The following MYB variants were observed in gnomAD, a reference collection of about 807,000 sequenced individuals.
The protein encoded by MYB is MYB proto-oncogene, transcription factor, also known as transcriptional activator Myb.
A neutral mutation model predicts 92.9 loss-of-function variants in MYB; 28 were observed. That is an observed-to-expected ratio of 0.30 (90% CI 0.22 to 0.41). The LOEUF is 0.41. MYB is among the 10% of genes least tolerant of loss of function. The pLI is 1.00. For synonymous variants in MYB, 295 were observed against 329.1 expected, an observed-to-expected ratio of 0.90 and a Z score of 1.12; for missense variants, 679 against 929.3, an observed-to-expected ratio of 0.73 and a Z score of 3.50.
chr6:135,187,885 G>T lies in MYB; in HGVS notation c.193G>T (p.Val65Phe). The change falls in exon 3 of 16, where the codon GTT (valine) becomes TTT (phenylalanine). Residue 65 changes from valine (V) to phenylalanine (F), a missense_variant. By Grantham distance (50) the Val-to-Phe change is conservative. Around this residue, in one of 8 missense-constraint regions of MYB, gnomAD observed 88 missense variants for 145.6 expected, o/e 0.60. Coordinates refer to ENST00000341911, the MANE Select transcript of MYB (RefSeq NM_001130173.2). ...VEQNGTDDWKVIANYLPNRTD... is the reference protein window; with the variant it reads ...VEQNGTDDWKFIANYLPNRTD... Reference sequence around the variant, plus strand: ...ACAGAATGGAACAGATGACTGGAAAGTTATTGCCAATTATCTCCCGGTAAG... The same window carrying T: ...ACAGAATGGAACAGATGACTGGAAATTTATTGCCAATTATCTCCCGGTAAG... 4.3e-6 allele frequency: 7 copies of T among 1,609,478 alleles called. No individual in the cohort carries two copies. Among genetic ancestry groups the T allele is most frequent in the Non-Finnish European group, 5.9e-6 (7 of 1,177,386 alleles).
intron 14 of MYB, chr6:135,202,945 C>T (rs1371340933): frequency 1.5e-6 from 1 of 665,990 alleles, no homozygotes; most frequent in Admixed American, 2.0e-5. Flanking sequence ...ATTCATTTAG[C>T]AGATGTTTTT....
rs539793671 is a variant in MYB at position 135,196,833 on chromosome 6, C to G, written c.1204-128C>G. On this transcript the variant is annotated intron_variant, in intron 9 of 15. Transcript: ENST00000341911. ...AATAGAGCAACTGCTCATCTTGAAG[C>G]TGTTGCTCAAGAAGCCAAACCAACG... 75 of 1,586,750 alleles carry G rather than the reference C, an allele frequency of 4.7e-5. No individual in the cohort carries two copies. The Admixed American group carries it at 5.3e-4, about 11-fold the overall frequency.
At chr6:135,205,229 CTTT>C (rs1219667393) in intron 15 of MYB, among the ~76,000 whole-genome samples, 1 of 134,844 alleles carries the variant, frequency 7.4e-6, no homozygotes, top group Non-Finnish European at 1.6e-5. Flanking sequence ...AAAGCTTTTG[CTTT>C]TTTTTTTTTT....
rs770956220 is a variant in MYB, at chr6:135,200,531, G to A, written c.1950+116G>A. On this transcript the variant is annotated intron_variant, in intron 13 of 15. Coordinates refer to ENST00000341911, the MANE Select transcript of MYB (RefSeq NM_001130173.2). ...TGCAACACCACGACTTTTCGTGCAA[G>A]ATTTTCATACAAGGTGCAGCGAAAA... 22 of 1,470,502 alleles carry A rather than the reference G, an allele frequency of 1.5e-5. No individual in the cohort carries two copies. The South Asian group carries it at 2.4e-4, about 16-fold the overall frequency. The allele number at this position is 1,470,502 out of a possible 1,614,324, so 91.1% of individuals were successfully genotyped here. A position where few individuals can be genotyped will look rare whatever the true frequency, so the allele number is the denominator to read the frequency against.
intron 15 of MYB, among the ~76,000 whole-genome samples, chr6:135,212,439 GACAGAAAACC>G (rs937469905): frequency 6.6e-6 from 1 of 151,810 alleles, no homozygotes; most frequent in Non-Finnish European, 1.5e-5. Context: ...ATCTAATTCT[GACAGAAAACC>G]ACCTGTGGAC....
At chr6:135,212,159 C>G (rs547519824) in intron 15 of MYB, among the ~76,000 whole-genome samples, 133 of 146,270 alleles carry the variant, frequency 9.1e-4, no homozygotes, top group African/African-American at 3.2e-3. Flanking sequence ...ACCATTGATG[C>G]CTGCTTATTT....
chr6:135,207,514 ATT>A (rs1013735573), intron 15 of MYB, among the ~76,000 whole-genome samples: 1 of 152,166 alleles, frequency 6.6e-6, no homozygotes, highest in Non-Finnish European at 1.5e-5. Context: ...AATTATTACT[ATT>A]TTTGAGGCCC....
intron 15 of MYB, among the ~76,000 whole-genome samples, chr6:135,215,628 C>T (rs1391558516): frequency 2.0e-5 from 3 of 152,094 alleles, no homozygotes; most frequent in Admixed American, 6.6e-5. Flanking sequence ...TTTATGTTGT[C>T]GTTTAACCCT....
At chr6:135,199,658 C>A in intron 11 of MYB, 1 of 589,492 alleles carries the variant, frequency 1.7e-6, no homozygotes, top group Non-Finnish European at 2.2e-6. Flanking sequence ...TATCAGAAAC[C>A]TTGAAAAGAA....
intron 15 of MYB, among the ~76,000 whole-genome samples, chr6:135,208,061 A>ATTTTTTAATTT (rs1554254831): frequency 2.7e-4 from 36 of 133,552 alleles, no homozygotes; most frequent in African/African-American, 8.3e-4. Context: ...TTTTATTTTT[A>ATTTTTTAATTT]TTTTTTAATT....
At chr6:135,193,614 A>G (rs557654235) in intron 6 of MYB, among the ~76,000 whole-genome samples, 38 of 152,322 alleles carry the variant, frequency 2.5e-4, no homozygotes, top group Admixed American at 1.3e-3. Flanking sequence ...TAAAGTGCTC[A>G]TCAACACCTC....
chr6:135,200,033 G>A, intron 11 of MYB, 52 bp from the exon 12 acceptor site: 1 of 1,352,108 alleles, frequency 7.4e-7, no homozygotes, highest in African/African-American at 1.4e-5. Flanking sequence ...GTAAAGCCAT[G>A]TAGGGACATT....
chr6:135,209,311 G>A (rs187113264), intron 15 of MYB, among the ~76,000 whole-genome samples: 11 of 152,272 alleles, frequency 7.2e-5, no homozygotes, highest in African/African-American at 2.4e-4. Context: ...TTGGCTTACT[G>A]CAACCTCCAC....
chr6:135,186,349 G>C lies in MYB; in HGVS notation c.141+329G>C, dbSNP rs1283099682. ...CACCTCTTCTGTGAAGCCATCCCTG[G>C]CTTCGCCGGACAGGATTGGATGCAT... is the stretch of plus-strand genomic sequence containing the variant. On this transcript the variant is annotated intron_variant, in intron 2 of 15. Coordinates refer to ENST00000341911, the MANE Select transcript of MYB (RefSeq NM_001130173.2). Among the ~76,000 whole-genome samples the C allele has an allele frequency of 3.3e-5, 5 of 152,100 alleles. 1 individual carries two copies. The highest frequency in any genetic ancestry group is 7.4e-5 in the Non-Finnish European group (5 of 68,024).
intron 13 of MYB, among the ~76,000 whole-genome samples, chr6:135,201,090 A>C (rs974974668): frequency 6.6e-6 from 1 of 152,220 alleles, no homozygotes; most frequent in Non-Finnish European, 1.5e-5. Flanking sequence ...AAAAATAAAA[A>C]TTAAAATTAA....
At chr6:135,194,285 T>C in intron 7 of MYB, 71 bp from the exon 8 acceptor site, 1 of 1,172,184 alleles carries the variant, frequency 8.5e-7, no homozygotes, top group South Asian at 1.4e-5. Flanking sequence ...ATGACCATAT[T>C]GGCTACACCC....
Position 135,201,802 on chromosome 6 carries a change from G to A in MYB, c.2061+53G>A, listed in dbSNP as rs911706454. 19 of 1,081,854 alleles carry A rather than the reference G, an allele frequency of 1.8e-5. No individual in the cohort carries two copies. In the Admixed American group the frequency reaches 2.3e-4, roughly 13 times the overall value. The allele number at this position is 1,081,854 out of a possible 1,614,324, so 67.0% of individuals were successfully genotyped here. A position where few individuals can be genotyped will look rare whatever the true frequency, so the allele number is the denominator to read the frequency against. ...TTGTTATGTGACACTGGTGCCTCAT[G>A]AAATCCTGTGTGTGGCATAGGGCTG... On this transcript the variant is annotated intron_variant, in intron 14 of 15. Coordinates refer to ENST00000341911, the MANE Select transcript of MYB (RefSeq NM_001130173.2).
chr6:135,195,888 C>T lies in MYB; in HGVS notation c.1089C>T (p.Ser363=), dbSNP rs756350827. The T allele has an allele frequency of 6.2e-7, 1 of 1,614,120 alleles. No individual in the cohort carries two copies. Among genetic ancestry groups the T allele is most frequent in the Non-Finnish European group, 8.5e-7 (1 of 1,180,030 alleles). The change falls in exon 9 of 16, where the codon TCC becomes TCT. Residue 363 remains serine (S), a synonymous_variant. Transcript: ENST00000341911. ...STPSLPADPG[S]LPEESASPAR... is the part of the protein sequence containing the mutation. Reference sequence around the variant, plus strand: ...CATCTCTGCCAGCGGATCCTGGCTCCCTACCTGAAGAAAGCGCCTCGCCAG... The same window carrying T: ...CATCTCTGCCAGCGGATCCTGGCTCTCTACCTGAAGAAAGCGCCTCGCCAG...
intron 5 of MYB, among the ~76,000 whole-genome samples, chr6:135,191,336 A>G (rs550376199): frequency 6.6e-6 from 1 of 152,352 alleles, no homozygotes; most frequent in African/African-American, 2.4e-5. Flanking sequence ...TTGGAAAGCA[A>G]TACTTTTAAT....
Sources: gnomAD v4.1 joint callset for allele counts (sites outside exome capture counted in the v4.1 genomes callset) on GRCh38, gnomAD v4.1.1 for gene constraint, gnomAD v4.1.1 regional missense constraint, MANE v1.5 for transcripts, NCBI Gene and HGNC (gene_info 2026-07-23, HGNC 2026-07-21) for gene names.